NTM: variants seen among roughly 807,000 people sequenced by gnomAD.
NTM encodes the protein neurotrimin, also known as IgLON family member 2.
A neutral mutation model predicts 42.1 loss-of-function variants in NTM; 13 were observed. The observed-to-expected ratio is 0.31, with a 90% CI of 0.20 to 0.49. NTM has a LOEUF of 0.49. NTM is among the 20% of genes least tolerant of loss of function. NTM has a pLI of 0.99. For missense variants in NTM, 373 were observed against 452.8 expected (o/e 0.82, Z 1.60); for synonymous variants, 187 against 179.2 (o/e 1.04, Z -0.35).
intron 2 of NTM, among the ~76,000 whole-genome samples, chr11:132,028,884 G>A (rs2075551441): frequency 6.6e-6 from 1 of 151,948 alleles, no homozygotes; most frequent in African/African-American, 2.4e-5. Context: ...GAACCTCCTA[G>A]GGCTCTTGAA....
At chr11:132,259,407 C>T (rs2092703870) in intron 4 of NTM, among the ~76,000 whole-genome samples, 1 of 152,070 alleles carries the variant, frequency 6.6e-6, no homozygotes, top group Non-Finnish European at 1.5e-5. Context: ...TTAGGCCAGG[C>T]TTGGTGGCTC....
intron 4 of NTM, among the ~76,000 whole-genome samples, chr11:132,278,482 T>G (rs1027189899): frequency 3.9e-5 from 6 of 152,144 alleles, no homozygotes; most frequent in African/African-American, 1.2e-4. Context: ...TAGCCTTGCT[T>G]GGGCTTCCTC....
intron 4 of NTM, among the ~76,000 whole-genome samples, chr11:132,224,157 G>A (rs1313044276): frequency 6.6e-6 from 1 of 152,202 alleles, no homozygotes; most frequent in East Asian, 1.9e-4. Flanking sequence ...CCACTACGAG[G>A]AGGATCATAG....
intron 5 of NTM, among the ~76,000 whole-genome samples, chr11:132,309,110 T>G (rs2095197618): frequency 6.6e-6 from 1 of 152,208 alleles, no homozygotes; most frequent in African/African-American, 2.4e-5. Context: ...CTTCAGGGTC[T>G]CCACAAATAG....
rs1284002678 is a variant in NTM, at chr11:131,873,574, CAT to C, written c.83-37980_83-37979del. On this transcript the variant is annotated intron_variant, in intron 1 of 8. Coordinates refer to ENST00000683400, the MANE Select transcript of NTM (RefSeq NM_001352005.2). Reference sequence around the variant, plus strand: ...CATATATATATACCGTATATATATACATATATATATACCGTATATATATACAT... The same window carrying C: ...CATATATATATACCGTATATATATACATATATATACCGTATATATATACAT... Among the ~76,000 whole-genome samples, 12 of 35,232 alleles carry C rather than the reference CAT, an allele frequency of 3.4e-4. 1 individual carries two copies. Among genetic ancestry groups the C allele is most frequent in the South Asian group, 2.5e-3 (4 of 1,610 alleles). 23.1% of individuals were successfully genotyped at this position (35,232 alleles called of 152,430 possible). A position where few individuals can be genotyped will look rare whatever the true frequency, so the allele number is the denominator to read the frequency against.
At chr11:131,515,955 T>C (rs1054596011) in intron 1 of NTM, among the ~76,000 whole-genome samples, 2 of 152,226 alleles carry the variant, frequency 1.3e-5, no homozygotes, top group African/African-American at 4.8e-5. Flanking sequence ...CTTTTGCATG[T>C]GGACTTATAT....
chr11:131,865,225 A>G (rs1321576913), intron 1 of NTM, among the ~76,000 whole-genome samples: 1 of 152,228 alleles, frequency 6.6e-6, no homozygotes, highest in Non-Finnish European at 1.5e-5. Flanking sequence ...TGGCTGACAA[A>G]TGGCAAAAGC....
chr11:131,975,445 T>G (rs1394881973), intron 2 of NTM, among the ~76,000 whole-genome samples: 1 of 152,184 alleles, frequency 6.6e-6, no homozygotes, highest in East Asian at 1.9e-4. Flanking sequence ...CCCAAAGTGC[T>G]GGGATTACAG....
At chr11:131,853,667 T>C (rs1323479069) in intron 1 of NTM, among the ~76,000 whole-genome samples, 1 of 152,230 alleles carries the variant, frequency 6.6e-6, no homozygotes, top group Non-Finnish European at 1.5e-5. Context: ...GTTGGTTCCA[T>C]GTCTTTGCTA....
At chr11:131,817,626 G>A (rs1489684948) in intron 1 of NTM, among the ~76,000 whole-genome samples, 1 of 152,214 alleles carries the variant, frequency 6.6e-6, no homozygotes, top group Non-Finnish European at 1.5e-5. Context: ...GAGTTTTAGT[G>A]CAGCATGCAG....
At chr11:132,261,007 C>T (rs1462575950) in intron 4 of NTM, among the ~76,000 whole-genome samples, 4 of 152,124 alleles carry the variant, frequency 2.6e-5, no homozygotes, top group South Asian at 2.1e-4. Flanking sequence ...GCTTAGGAGT[C>T]GAAGGATTTG....
intron 1 of NTM, among the ~76,000 whole-genome samples, chr11:131,736,650 C>T (rs537293324): frequency 1.3e-5 from 2 of 152,280 alleles, no homozygotes; most frequent in Admixed American, 6.5e-5. Context: ...AAAAACCTCT[C>T]ACTCCTTGGC....
intron 2 of NTM, among the ~76,000 whole-genome samples, chr11:132,021,378 ACAAT>A (rs2135526019): frequency 6.6e-6 from 1 of 152,246 alleles, no homozygotes; most frequent in East Asian, 1.9e-4. Context: ...ACATCTGGGG[ACAAT>A]CAGAGAGTTT....
At chr11:131,396,386 G>A (rs1944555956) in intron 1 of NTM, among the ~76,000 whole-genome samples, 1 of 152,174 alleles carries the variant, frequency 6.6e-6, no homozygotes, top group Admixed American at 6.5e-5. Context: ...CCTACGCACA[G>A]CTTGACCTCC....
intron 1 of NTM, among the ~76,000 whole-genome samples, chr11:131,744,257 A>G (rs1457408912): frequency 6.6e-6 from 1 of 152,228 alleles, no homozygotes; most frequent in Non-Finnish European, 1.5e-5. Context: ...TTCCATACAA[A>G]TAATTTGCAA....
At chr11:131,707,484 A>G (rs1240114983) in intron 1 of NTM, among the ~76,000 whole-genome samples, 1 of 152,090 alleles carries the variant, frequency 6.6e-6, no homozygotes, top group Non-Finnish European at 1.5e-5. Context: ...TCAATATACC[A>G]ATGTCAATTC....
chr11:131,769,584 A>T (rs531534609), intron 1 of NTM: 1 of 982,900 alleles, frequency 1.0e-6, no homozygotes, highest in African/African-American at 1.7e-5. Context: ...AATCACAGAC[A>T]TTTGGATAAT....
intron 1 of NTM, among the ~76,000 whole-genome samples, chr11:131,521,769 G>A (rs1210866762): frequency 6.6e-6 from 1 of 152,048 alleles, no homozygotes; most frequent in Non-Finnish European, 1.5e-5. Context: ...AGGGTCAGCT[G>A]TCCAAACTAG....
At chr11:131,612,634 T>C (rs1046324640) in intron 1 of NTM, among the ~76,000 whole-genome samples, 8 of 152,262 alleles carry the variant, frequency 5.3e-5, no homozygotes, top group African/African-American at 1.9e-4. Context: ...TGCAGACAGT[T>C]ACAGATGAAG....
Sources: allele counts gnomAD v4.1 joint callset (sites outside exome capture counted in the v4.1 genomes callset), GRCh38; gene constraint gnomAD v4.1.1; transcripts MANE v1.5; gene names NCBI Gene and HGNC (gene_info 2026-07-23, HGNC 2026-07-21).